The following PDPN variants were observed in gnomAD, a reference collection of about 807,000 sequenced individuals.
PDPN encodes the protein podoplanin.
A neutral mutation model predicts 23.2 loss-of-function variants in PDPN; 12 were observed. That is an observed-to-expected ratio of 0.52 (90% CI 0.33 to 0.84). The LOEUF (loss-of-function observed/expected upper bound fraction) is 0.84, where lower values mean the gene tolerates loss of function less well. Among genes scored for constraint, PDPN ranks in the 40% least tolerant of loss-of-function variants. PDPN has a pLI of 0.02. For missense variants in PDPN, 199 were observed against 212.2 expected, an observed-to-expected ratio of 0.94 and a Z score of 0.39; for synonymous variants, 77 against 76.7, an observed-to-expected ratio of 1.00 and a Z score of -0.02.
chr1:13,614,530 G>C lies in PDPN; in HGVS notation c.482+119G>C, dbSNP rs1641018920. ...CTGGGTGTGGTGGCTCGTGCCTGTA[G>C]TCTCAGCTGCTGGGCACCTGCAGAC... On this transcript the variant is annotated intron_variant, in intron 5 of 5. Coordinates refer to ENST00000621990, the MANE Select transcript of PDPN (RefSeq NM_006474.5). 22 of 670,470 alleles carry C rather than the reference G, an allele frequency of 3.3e-5. No homozygotes were observed. The South Asian group carries it at 3.9e-4, about 12-fold the overall frequency. The allele number at this position is 670,470 out of a possible 1,614,324, so 41.5% of individuals were successfully genotyped here.
chr1:13,606,500 G>C (rs1393737742), intron 1 of PDPN, among the ~76,000 whole-genome samples: 1 of 152,038 alleles, frequency 6.6e-6, no homozygotes, highest in Non-Finnish European at 1.5e-5. Flanking sequence ...TGGAGAGAGA[G>C]TTTGCTTTTA....
chr1:13,595,407 C>T (rs551123127), intron 1 of PDPN, among the ~76,000 whole-genome samples: 1 of 152,116 alleles, frequency 6.6e-6, no homozygotes, highest in Non-Finnish European at 1.5e-5. Context: ...CAAAGTGCTG[C>T]CCTCAACTTT....
chr1:13,588,981 G>GCT (rs138022909), intron 1 of PDPN, among the ~76,000 whole-genome samples: 2 of 62,424 alleles, frequency 3.2e-5, no homozygotes, highest in African/African-American at 1.5e-4. Context: ...TCATTGAATA[G>GCT]CTACTATTCA....
At chr1:13,607,961 T>C (rs1377558494) in intron 2 of PDPN, among the ~76,000 whole-genome samples, 1 of 151,994 alleles carries the variant, frequency 6.6e-6, no homozygotes, top group Non-Finnish European at 1.5e-5. Context: ...AAAAATTAGC[T>C]GGGCGTGGCT....
chr1:13,584,200 G>A, intron 1 of PDPN, 100 bp downstream of exon 1: 1 of 1,522,474 alleles, frequency 6.6e-7, no homozygotes, highest in South Asian at 1.2e-5. Context: ...TTGTCCAGGG[G>A]AGCGCGGGGG....
chr1:13,593,962 G>C (rs1640422751), intron 1 of PDPN, among the ~76,000 whole-genome samples: 2 of 152,240 alleles, frequency 1.3e-5, no homozygotes, highest in South Asian at 4.1e-4. Flanking sequence ...CTTGGACTGA[G>C]AATGTTCTGC....
At chr1:13,605,580 T>C (rs1437068489) in intron 1 of PDPN, among the ~76,000 whole-genome samples, 1 of 152,220 alleles carries the variant, frequency 6.6e-6, no homozygotes, top group Non-Finnish European at 1.5e-5. Context: ...TCTCTCATTG[T>C]AGAATTCAGC....
chr1:13,614,782 G>A, intron 5 of PDPN: 1 of 504,018 alleles, frequency 2.0e-6, no homozygotes, highest in South Asian at 1.5e-5. Flanking sequence ...GCAAGACTGT[G>A]TCTCTTAAAA....
chr1:13,614,459 T>C, intron 5 of PDPN, 48 bp downstream of exon 5: 1 of 942,446 alleles, frequency 1.1e-6, no homozygotes, highest in Non-Finnish European at 1.7e-6. Flanking sequence ...AAAGCCATCG[T>C]GTCTAGAACT....
intron 1 of PDPN, among the ~76,000 whole-genome samples, chr1:13,600,887 C>G (rs1360418938): frequency 6.6e-6 from 1 of 151,996 alleles, no homozygotes; most frequent in Non-Finnish European, 1.5e-5. Flanking sequence ...TGGGGGGACT[C>G]TTGCTAAACT....
chr1:13,599,373 CTTTTTTTTTT>C (rs70984267), intron 1 of PDPN, among the ~76,000 whole-genome samples: 19,043 of 76,664 alleles, frequency 0.25, 2,018 homozygotes, highest in East Asian at 0.39. Context: ...GAGAAGCTAT[CTTTTTTTTTT>C]TTTTTTTTTT....
At chr1:13,611,432 G>A (rs1338310103) in intron 3 of PDPN, among the ~76,000 whole-genome samples, 1 of 152,034 alleles carries the variant, frequency 6.6e-6, no homozygotes, top group African/African-American at 2.4e-5. Flanking sequence ...AATACAACAT[G>A]GAGGAAACTT....
chr1:13,611,066 T>TA (rs1459243509), intron 3 of PDPN, among the ~76,000 whole-genome samples: 1 of 151,888 alleles, frequency 6.6e-6, no homozygotes, highest in Non-Finnish European at 1.5e-5. Context: ...CTGAAAATAC[T>TA]AAAAATCAGC....
At chr1:13,599,757 C>T (rs1640595221) in intron 1 of PDPN, among the ~76,000 whole-genome samples, 2 of 152,064 alleles carry the variant, frequency 1.3e-5, no homozygotes, top group African/African-American at 2.4e-5. Context: ...TACCTATTCA[C>T]TTCTCTGTCT....
intron 1 of PDPN, chr1:13,584,452 C>T: frequency 1.4e-6 from 1 of 715,532 alleles, no homozygotes; most frequent in South Asian, 2.0e-5. Flanking sequence ...GTTTCCTTCC[C>T]ATAGAGCGGT....
chr1:13,614,428 C>T lies in PDPN; in HGVS notation c.482+17C>T, dbSNP rs757963944. 2 of 1,231,240 alleles carry T rather than the reference C, an allele frequency of 1.6e-6. No individual in the cohort carries two copies. The highest frequency in any genetic ancestry group is 1.2e-5 in the South Asian group (1 of 82,154). 76.3% of individuals were successfully genotyped at this position (1,231,240 alleles called of 1,614,324 possible). On this transcript the variant is annotated intron_variant, in intron 5 of 5. Coordinates refer to ENST00000621990, the MANE Select transcript of PDPN (RefSeq NM_006474.5). ...AAGGTACTCGTAAGTAAATAGCTTA[C>T]ACCCATGTGATAGGCAAATGAAAGC...
At chr1:13,588,209 A>C (rs1288559898) in intron 1 of PDPN, among the ~76,000 whole-genome samples, 1 of 152,142 alleles carries the variant, frequency 6.6e-6, no homozygotes, top group African/African-American at 2.4e-5. Flanking sequence ...GCCAGGCCAC[A>C]AAGTGCCGTA....
chr1:13,588,520 G>GAGAAGAGGGAAGA (rs1640241368), intron 1 of PDPN, among the ~76,000 whole-genome samples: 1 of 146,716 alleles, frequency 6.8e-6, no homozygotes, highest in African/African-American at 2.5e-5. Flanking sequence ...ATTTGTTGAT[G>GAGAAGAGGGAAGA]TTTAAACCTT....
chr1:13,588,980 A>AGTGCTACTATTCAATAAATTGAATAGT (rs111802522), intron 1 of PDPN, among the ~76,000 whole-genome samples: 9 of 126,794 alleles, frequency 7.1e-5, no homozygotes, highest in African/African-American at 2.5e-4. Context: ...TTCATTGAAT[A>AGTGCTACTATTCAATAAATTGAATAGT]GCTACTATTC....
Sources: gnomAD v4.1 joint callset for allele counts (sites outside exome capture counted in the v4.1 genomes callset) on GRCh38, gnomAD v4.1.1 for gene constraint, MANE v1.5 for transcripts, NCBI Gene and HGNC (gene_info 2026-07-23, HGNC 2026-07-21) for gene names.